The following DLC1 variants were observed in gnomAD, a reference collection of about 807,000 sequenced individuals.
The protein encoded by DLC1 is rho GTPase-activating protein 7.
Under a neutral mutation model 140.3 loss-of-function variants are expected in DLC1, and 54 were observed. That is an observed-to-expected ratio of 0.38 (90% confidence interval 0.31 to 0.48). DLC1 has a LOEUF of 0.48. DLC1 is among the 20% of genes least tolerant of loss of function. DLC1 has a pLI of 0.96. For missense variants in DLC1, 2,536 were observed against 1,907.0 expected (o/e 1.33, Z -6.14); for synonymous variants, 986 against 728.1 (o/e 1.35, Z -5.70).
chr8:13,523,643 A>G (rs1247642223), intron 1 of DLC1, among the ~76,000 whole-genome samples: 2 of 152,208 alleles, frequency 1.3e-5, no homozygotes, highest in African/African-American at 4.8e-5. Flanking sequence ...TGGCTATTAG[A>G]TTTAAGAAAG....
At chr8:13,265,325 TA>T (rs1830641311) in intron 5 of DLC1, among the ~76,000 whole-genome samples, 1 of 152,102 alleles carries the variant, frequency 6.6e-6, no homozygotes, top group African/African-American at 2.4e-5. Context: ...TATCTTACTT[TA>T]AATAAAAAAT....
chr8:13,440,261 C>A (rs1435349812), intron 2 of DLC1, among the ~76,000 whole-genome samples: 2 of 152,126 alleles, frequency 1.3e-5, no homozygotes, highest in African/African-American at 4.8e-5. Flanking sequence ...ACAATGAAAT[C>A]CTATGCCCTC....
chr8:13,332,519 C>T (rs1833637877), intron 4 of DLC1, among the ~76,000 whole-genome samples: 1 of 151,792 alleles, frequency 6.6e-6, no homozygotes. Flanking sequence ...CAACCTCCAC[C>T]TCTGGGGTTC....
chr8:13,574,206 C>T (rs182152470), intron 1 of DLC1, among the ~76,000 whole-genome samples: 1 of 152,038 alleles, frequency 6.6e-6, no homozygotes, highest in African/African-American at 2.4e-5. Context: ...GGCAAATTAG[C>T]GTAAAGCTTT....
At chr8:13,147,068 T>C (rs1314995484) in intron 5 of DLC1, among the ~76,000 whole-genome samples, 1 of 152,234 alleles carries the variant, frequency 6.6e-6, no homozygotes, top group African/African-American at 2.4e-5. Context: ...TCATTTGCCC[T>C]GGTTTGTCTA....
intron 11 of DLC1, 50 bp from the exon 12 acceptor site, chr8:13,095,007 G>A: frequency 6.2e-7 from 1 of 1,613,848 alleles, no homozygotes; most frequent in Non-Finnish European, 8.5e-7. Flanking sequence ...TGGACGCAGT[G>A]TTTACACCAC....
At chr8:13,345,613 G>C (rs1327439435) in intron 4 of DLC1, among the ~76,000 whole-genome samples, 1 of 129,778 alleles carries the variant, frequency 7.7e-6, no homozygotes, top group African/African-American at 2.9e-5. Context: ...GAGTGCAGTG[G>C]TACCATCTCA....
chr8:13,094,960 G>GTGT lies in DLC1; in HGVS notation c.3328-4_3328-3insACA, dbSNP rs767847860. ...CCCGATTTTCTGAAGAGCCCAACCT[G>GTGT]TCGGAAGAGCAACACTAAGTGTGGG... On this transcript the variant is annotated splice_region_variant and splice_polypyrimidine_tract_variant and intron_variant, in intron 11 of 17. Coordinates refer to ENST00000276297, the MANE Select transcript of DLC1 (RefSeq NM_182643.3). The GTGT allele has an allele frequency of 2.7e-5, 43 of 1,614,026 alleles. No homozygotes were observed. In the Middle Eastern group the frequency reaches 4.9e-4, roughly 19 times the overall value.
At chr8:13,265,759 C>T (rs1830662317) in intron 5 of DLC1, among the ~76,000 whole-genome samples, 1 of 151,236 alleles carries the variant, frequency 6.6e-6, no homozygotes, top group Admixed American at 6.6e-5. Flanking sequence ...TTTCCTCCCT[C>T]CCTCATTCCT....
At chr8:13,255,373 T>A (rs1263607143) in intron 5 of DLC1, among the ~76,000 whole-genome samples, 2 of 152,198 alleles carry the variant, frequency 1.3e-5, no homozygotes, top group East Asian at 3.8e-4. Context: ...TATAAAAGCC[T>A]ATAGCAGTGT....
At chr8:13,540,474 G>A (rs1373274092) in intron 1 of DLC1, among the ~76,000 whole-genome samples, 2 of 152,022 alleles carry the variant, frequency 1.3e-5, no homozygotes, top group Admixed American at 6.6e-5. Context: ...ATTAACGTCC[G>A]ATATTAAACA....
chr8:13,576,034 G>C (rs56007959), intron 1 of DLC1, among the ~76,000 whole-genome samples: 6,527 of 152,268 alleles, frequency 0.043, 183 homozygotes, highest in Non-Finnish European at 0.068. Context: ...GCCTGTAAAA[G>C]TGCATAGATG....
At chr8:13,317,608 C>T (rs145084125) in intron 4 of DLC1, among the ~76,000 whole-genome samples, 55 of 152,062 alleles carry the variant, frequency 3.6e-4, no homozygotes, top group African/African-American at 1.3e-3. Flanking sequence ...GCATAAAGAT[C>T]GCATCTGTAT....
intron 1 of DLC1, among the ~76,000 whole-genome samples, chr8:13,537,306 A>T (rs1171603182): frequency 1.3e-5 from 2 of 152,120 alleles, no homozygotes; most frequent in African/African-American, 4.8e-5. Context: ...TCCACAATAA[A>T]CTGTGATCAC....
chr8:13,183,450 G>T (rs1422680260), intron 5 of DLC1, among the ~76,000 whole-genome samples: 3 of 152,136 alleles, frequency 2.0e-5, no homozygotes, highest in Non-Finnish European at 2.9e-5. Context: ...TTGGCTGTGG[G>T]TTTGTCATAA....
chr8:13,404,300 A>G (rs1686943777), intron 2 of DLC1, among the ~76,000 whole-genome samples: 2 of 152,036 alleles, frequency 1.3e-5, no homozygotes, highest in South Asian at 2.1e-4. Context: ...CGTGGTGTAA[A>G]TACTCCCCTG....
chr8:13,265,479 G>C lies in DLC1; in HGVS notation c.1348+39790C>G, dbSNP rs529454931. Among the ~76,000 whole-genome samples, 4 of 152,246 alleles carry C rather than the reference G, an allele frequency of 2.6e-5. No individual in the cohort carries two copies. The South Asian group carries it at 8.3e-4, about 32-fold the overall frequency. On this transcript the variant is annotated intron_variant, in intron 5 of 17. Transcript: ENST00000276297. ...TGCAGCAAAGTGGGAGTCATGCTCA[G>C]GGTCACAGAAATAAAAACATTTTCT...
At chr8:13,548,078 A>G (rs1803712235) in intron 1 of DLC1, among the ~76,000 whole-genome samples, 1 of 152,112 alleles carries the variant, frequency 6.6e-6, no homozygotes. Context: ...AGTTATTTGA[A>G]TGCAAGAGTT....
Position 13,401,475 on chromosome 8 carries a change from C to T in DLC1, c.1168G>A (p.Val390Ile), listed in dbSNP as rs564690014. ...SGTPTNLRRH[V>I]PDLESGSESG... ...GTAGAAAGTGGAAAGCTCACAGGAACGTGCCGCCGCAGGTTTGTTGGTGTG... is the reference window on the plus strand; with the variant it reads ...GTAGAAAGTGGAAAGCTCACAGGAATGTGCCGCCGCAGGTTTGTTGGTGTG... The change falls in exon 3 of 18, where the codon GTT becomes ATT. Residue 390 changes from valine (V) to isoleucine (I), a missense_variant. Physicochemically the swap from Val to Ile is conservative, Grantham distance 29 (BLOSUM62 3). Transcript: ENST00000276297. 4.3e-6 allele frequency: 7 copies of T among 1,611,962 alleles called. No individual in the cohort carries two copies. The highest frequency in any genetic ancestry group is 2.2e-5 in the East Asian group (1 of 44,878).
Sources: gnomAD v4.1 joint callset for allele counts (sites outside exome capture counted in the v4.1 genomes callset) on GRCh38, gnomAD v4.1.1 for gene constraint, MANE v1.5 for transcripts, NCBI Gene and HGNC (gene_info 2026-07-23, HGNC 2026-07-21) for gene names.